Variants in HERPUD2 observed in about 807,000 individuals in gnomAD.
HERPUD2 encodes the protein homocysteine-responsive endoplasmic reticulum-resident ubiquitin-like domain member 2 protein.
Under a neutral mutation model 49.9 loss-of-function variants are expected in HERPUD2, and 13 were observed. The ratio of observed to expected loss-of-function variants is 0.26; its 90% confidence interval spans 0.17 to 0.41. The LOEUF is 0.41. Among genes scored for constraint, HERPUD2 ranks in the 10% least tolerant of loss-of-function variants. The pLI is 1.00. For synonymous variants in HERPUD2, 172 were observed against 171.4 expected, an observed-to-expected ratio of 1.00 and a Z score of -0.03; for missense variants, 449 against 492.2, an observed-to-expected ratio of 0.91 and a Z score of 0.83.
In HERPUD2 at chr7:35,634,361, T is replaced by C; in HGVS notation, c.1010A>G (p.Glu337Gly). Reference protein sequence around the residue: ...GHQQAPNNNAEVNNDGQNANN... With the variant: ...GHQQAPNNNAGVNNDGQNANN... ...TGCATTTTGCCCATCATTGTTAACT[T>C]CGGCATTATTGTTGGGAGCCTGCTG... Residue 337 changes from glutamate (E) to glycine (G), a missense_variant, in exon 8 of 9, where the codon GAA becomes GGA. Physicochemically the swap from Glu to Gly is moderately conservative, Grantham distance 98. Transcript: ENST00000311350. 6.2e-7 allele frequency: 1 copy of C among 1,614,036 alleles called. No homozygotes were observed. The highest frequency in any genetic ancestry group is 8.5e-7 in the Non-Finnish European group (1 of 1,179,918).
At position 35,633,523 on chromosome 7, in the gene HERPUD2, T is replaced by C; in HGVS notation, c.*167A>G. 1 of 475,890 alleles carries C rather than the reference T, an allele frequency of 2.1e-6. No individual in the cohort carries two copies. Among genetic ancestry groups the C allele is most frequent in the Non-Finnish European group, 3.7e-6 (1 of 271,322 alleles). 29.5% of individuals were successfully genotyped at this position (475,890 alleles called of 1,614,324 possible). ...AAAAAAAAAAAACTCAGATATTTAG[T>C]AGTCCATTCGTGCTTAAAATATTCA... On this transcript the variant is annotated 3_prime_UTR_variant, in exon 9 of 9. Transcript: ENST00000311350.
intron 5 of HERPUD2, among the ~76,000 whole-genome samples, chr7:35,645,535 G>C (rs766123790): frequency 6.6e-6 from 1 of 152,184 alleles, no homozygotes; most frequent in Admixed American, 6.5e-5. Flanking sequence ...ATATAGGCTA[G>C]TGTGTACAGT....
chr7:35,644,769 CA>C (rs1322368970), intron 5 of HERPUD2, among the ~76,000 whole-genome samples: 2 of 151,550 alleles, frequency 1.3e-5, no homozygotes, highest in South Asian at 4.2e-4. Context: ...TCTGTCTCAA[CA>C]AAAAAAGAAA....
At chr7:35,688,743 A>G (rs1489034915) in intron 2 of HERPUD2, among the ~76,000 whole-genome samples, 1 of 152,206 alleles carries the variant, frequency 6.6e-6, no homozygotes, top group Non-Finnish European at 1.5e-5. Flanking sequence ...TTACAAGTAT[A>G]TAACTGAGAT....
Position 35,670,348 on chromosome 7 carries a change from C to T in HERPUD2, c.226-20G>A, listed in dbSNP as rs779702596. The T allele has an allele frequency of 1.7e-6, 2 of 1,203,098 alleles. No individual in the cohort carries two copies. Among genetic ancestry groups the T allele is most frequent in the East Asian group, 2.6e-5 (1 of 38,506 alleles). The allele number at this position is 1,203,098 out of a possible 1,614,324, so 74.5% of individuals were successfully genotyped here. On this transcript the variant is annotated intron_variant, in intron 3 of 8. Coordinates refer to ENST00000311350, the MANE Select transcript of HERPUD2 (RefSeq NM_022373.5). ...ATCTTGCTAAAATTAAAGAAGATTA[C>T]ATTTAAAGGGTAGTACTACAAAATG...
At chr7:35,669,012 T>C (rs1485300722) in intron 4 of HERPUD2, among the ~76,000 whole-genome samples, 2 of 152,044 alleles carry the variant, frequency 1.3e-5, no homozygotes, top group African/African-American at 4.8e-5. Flanking sequence ...TTCATAACAC[T>C]GAAAAAAACA....
Position 35,645,710 on chromosome 7 carries a change from G to A in HERPUD2, c.495-7238C>T, listed in dbSNP as rs546656634. On this transcript the variant is annotated intron_variant, in intron 5 of 8. Transcript: ENST00000311350. ...AAGTTGCAGTTTCCAAGACCCTATC[G>A]TGATTTTAAGTGAGGACTTACTGCA... Among the ~76,000 whole-genome samples, 22 of 152,270 alleles carry A rather than the reference G, an allele frequency of 1.4e-4. 1 individual carries two copies. In the East Asian group the frequency reaches 3.7e-3, roughly 25 times the overall value.
At chr7:35,690,115 A>C (rs1167337547) in intron 2 of HERPUD2, among the ~76,000 whole-genome samples, 2 of 152,328 alleles carry the variant, frequency 1.3e-5, no homozygotes, top group African/African-American at 4.8e-5. Flanking sequence ...CTTCACCACC[A>C]AACAGCAATT....
At chr7:35,642,141 G>T (rs1162271019) in intron 5 of HERPUD2, among the ~76,000 whole-genome samples, 1 of 152,038 alleles carries the variant, frequency 6.6e-6, no homozygotes, top group Admixed American at 6.6e-5. Context: ...TTTAAAAAGT[G>T]GGCAAAGGAC....
chr7:35,656,733 A>T (rs1785282759), intron 5 of HERPUD2, among the ~76,000 whole-genome samples: 1 of 152,126 alleles, frequency 6.6e-6, no homozygotes, highest in African/African-American at 2.4e-5. Context: ...CTGATTTTCA[A>T]CAAAGGTGTC....
Position 35,694,354 on chromosome 7 carries a change from T to C in HERPUD2, c.-24A>G. 2 of 1,613,640 alleles carry C rather than the reference T, an allele frequency of 1.2e-6. No homozygotes were observed. Among genetic ancestry groups the C allele is most frequent in the Non-Finnish European group, 1.7e-6 (2 of 1,179,752 alleles). ...ATGGTGCCCCCAAAGTCAGACAGAGTCCAGAGGAGCGGCAGTTAAGCCCAA... is the reference window on the plus strand; with the variant it reads ...ATGGTGCCCCCAAAGTCAGACAGAGCCCAGAGGAGCGGCAGTTAAGCCCAA... On this transcript the variant is annotated 5_prime_UTR_variant, in exon 2 of 9. Coordinates refer to ENST00000311350, the MANE Select transcript of HERPUD2 (RefSeq NM_022373.5).
chr7:35,674,418 G>A (rs1364850561), intron 2 of HERPUD2, among the ~76,000 whole-genome samples: 1 of 41,460 alleles, frequency 2.4e-5, no homozygotes, highest in Non-Finnish European at 4.4e-5. Flanking sequence ...GAGAGAGAGA[G>A]AGAGAGAGAG....
intron 5 of HERPUD2, among the ~76,000 whole-genome samples, chr7:35,653,759 T>C (rs1198070223): frequency 2.0e-5 from 3 of 152,090 alleles, no homozygotes; most frequent in Admixed American, 6.5e-5. Context: ...CAAGAGAAAC[T>C]TTGGAAACTG....
rs748224344 is a variant in HERPUD2, at chr7:35,667,603, G to A, written c.340-15C>T. The A allele has an allele frequency of 1.9e-6, 3 of 1,577,088 alleles. No individual in the cohort carries two copies. Among genetic ancestry groups the A allele is most frequent in the African/African-American group, 1.3e-5 (1 of 74,282 alleles). The stretch of plus-strand genomic sequence containing the variant: ...TGATCTGAACTCTACAAATAAAAAT[G>A]TAATTTTTAAAAGGAGATTTAGTTC... On this transcript the variant is annotated splice_polypyrimidine_tract_variant and intron_variant, in intron 4 of 8. Coordinates refer to ENST00000311350, the MANE Select transcript of HERPUD2 (RefSeq NM_022373.5).
At chr7:35,686,608 A>G (rs1786052618) in intron 2 of HERPUD2, among the ~76,000 whole-genome samples, 1 of 129,618 alleles carries the variant, frequency 7.7e-6, no homozygotes, top group African/African-American at 2.8e-5. Flanking sequence ...AGTCCCAGCT[A>G]CTTGGGAGGC....
chr7:35,677,432 TTATCTC>T (rs1228966892), intron 2 of HERPUD2, among the ~76,000 whole-genome samples: 2 of 152,338 alleles, frequency 1.3e-5, no homozygotes, highest in South Asian at 4.1e-4. Flanking sequence ...ATTATTCTAT[TTATCTC>T]TATATTTCCC....
chr7:35,667,325 A>T, intron 5 of HERPUD2, 109 bp downstream of exon 5: 1 of 1,003,870 alleles, frequency 1.0e-6, no homozygotes, highest in Non-Finnish European at 1.5e-6. Flanking sequence ...ATATATGAAT[A>T]AATTTAAAAT....
At chr7:35,674,595 G>T (rs1258294864) in intron 2 of HERPUD2, among the ~76,000 whole-genome samples, 1 of 151,744 alleles carries the variant, frequency 6.6e-6, no homozygotes, top group Non-Finnish European at 1.5e-5. Context: ...ACAACTGGTG[G>T]CTGGGGGACC....
chr7:35,638,505 C>G (rs1303140683), intron 5 of HERPUD2, 33 bp from the exon 6 acceptor site: 1 of 1,589,430 alleles, frequency 6.3e-7, no homozygotes, highest in South Asian at 1.1e-5. Flanking sequence ...TCTTTTAATG[C>G]TCTAGCAGCT....
Sources: allele counts gnomAD v4.1 joint callset (sites outside exome capture counted in the v4.1 genomes callset), GRCh38; gene constraint gnomAD v4.1.1; transcripts MANE v1.5; gene names NCBI Gene and HGNC (gene_info 2026-07-23, HGNC 2026-07-21).